Variants in HPS3 observed in about 807,000 individuals in gnomAD.
HPS3 encodes the protein BLOC-2 complex member HPS3.
Under a neutral mutation model 110.9 loss-of-function variants are expected in HPS3, and 79 were observed. The ratio of observed to expected loss-of-function variants is 0.71; its 90% CI spans 0.59 to 0.86. HPS3 has a LOEUF of 0.86. Among genes scored for constraint, HPS3 ranks in the 40% least tolerant of loss-of-function variants. The pLI is 0.00. For synonymous variants in HPS3, 428 were observed against 451.0 expected, an observed-to-expected ratio of 0.95 and a Z score of 0.65; for missense variants, 1,197 against 1,206.2, an observed-to-expected ratio of 0.99 and a Z score of 0.11.
intron 14 of HPS3, among the ~76,000 whole-genome samples, chr3:149,166,580 C>G (rs1479968163): frequency 6.6e-6 from 1 of 152,110 alleles, no homozygotes; most frequent in Non-Finnish European, 1.5e-5. Flanking sequence ...GTTTTGATGG[C>G]TGTGTAATGT....
rs773606762 is a variant in HPS3 at position 149,129,723 on chromosome 3, G to T, written c.-1G>T. The T allele has an allele frequency of 4.2e-5, 66 of 1,584,804 alleles. No homozygotes were observed. The highest frequency in any genetic ancestry group is 5.5e-5 in the Non-Finnish European group (64 of 1,166,880). On this transcript the variant is annotated 5_prime_UTR_variant, in exon 1 of 17. Transcript: ENST00000296051. ...GCTGTGCCATCCCGCCGGACGTCGG[G>T]ATGGTGCAGCTGTACAACCTGCACC... is the stretch of plus-strand genomic sequence containing the variant.
At chr3:149,137,052 A>G (rs1722153717) in intron 1 of HPS3, among the ~76,000 whole-genome samples, 1 of 152,170 alleles carries the variant, frequency 6.6e-6, no homozygotes, top group Non-Finnish European at 1.5e-5. Flanking sequence ...ATGGGAGAAA[A>G]TATTTCCGAA....
At chr3:149,132,361 C>T (rs969930380) in intron 1 of HPS3, among the ~76,000 whole-genome samples, 5 of 152,196 alleles carry the variant, frequency 3.3e-5, no homozygotes, top group Admixed American at 1.3e-4. Flanking sequence ...TTCTCATTTA[C>T]CATTCTGAAA....
chr3:149,129,746 AC>A lies in HPS3; in HGVS notation c.26del (p.Pro9ArgfsTer69), dbSNP rs2108111799. On this transcript the variant is annotated frameshift_variant, in exon 1 of 17. Coordinates refer to ENST00000296051, the MANE Select transcript of HPS3 (RefSeq NM_032383.5). LOFTEE classifies it high-confidence loss of function. Reference sequence around the variant, plus strand: ...GGGATGGTGCAGCTGTACAACCTGCACCCGTTCGGGTCGCAGCAGGTGGTGC... The same window carrying A: ...GGGATGGTGCAGCTGTACAACCTGCACCGTTCGGGTCGCAGCAGGTGGTGC... MVQLYNL[H>X]PFGSQQVVPC... 6.2e-7 allele frequency: 1 copy of A among 1,604,842 alleles called. No individual in the cohort carries two copies. Among genetic ancestry groups the A allele is most frequent in the South Asian group, 1.1e-5 (1 of 90,802 alleles).
At chr3:149,133,143 G>A (rs942121473) in intron 1 of HPS3, among the ~76,000 whole-genome samples, 5 of 152,184 alleles carry the variant, frequency 3.3e-5, no homozygotes, top group African/African-American at 1.2e-4. Context: ...AGTTGATAAA[G>A]CAATGAGAAG....
intron 8 of HPS3, among the ~76,000 whole-genome samples, chr3:149,156,164 A>G (rs1002993875): frequency 2.0e-5 from 3 of 152,218 alleles, no homozygotes; most frequent in Non-Finnish European, 4.4e-5. Context: ...CTGTGCACAC[A>G]GATATACATA....
rs527298137 is a variant in HPS3 at position 149,165,076 on chromosome 3, A to G, written c.2589+1127A>G. 6.5e-4 allele frequency among the ~76,000 whole-genome samples: 99 copies of G among 152,322 alleles called. 1 individual carries two copies. The Middle Eastern group carries it at 0.017, about 26-fold the overall frequency. On this transcript the variant is annotated intron_variant, in intron 14 of 16. Coordinates refer to ENST00000296051, the MANE Select transcript of HPS3 (RefSeq NM_032383.5). ...TATTTATGTGCTTCTTTAAAAAATA[A>G]CCAAAGAAGATTCTTCTTGTCTCTT...
At chr3:149,159,898 T>C (rs1384303437) in intron 10 of HPS3, 148 bp from the exon 11 acceptor site, 2 of 658,456 alleles carry the variant, frequency 3.0e-6, no homozygotes, top group African/African-American at 3.6e-5. Flanking sequence ...TCAGTTTTTG[T>C]CTTTTTAAAA....
Position 149,172,244 on chromosome 3 carries a change from A to G in HPS3, c.*22A>G, listed in dbSNP as rs1214803117. On this transcript the variant is annotated 3_prime_UTR_variant, in exon 17 of 17. Transcript: ENST00000296051. Reference sequence around the variant, plus strand: ...TTAAAGGTATCATTTGAAAAATACCATAATGGCATTTGAGACTGAATTTCT... The same window carrying G: ...TTAAAGGTATCATTTGAAAAATACCGTAATGGCATTTGAGACTGAATTTCT... The G allele has an allele frequency of 1.9e-6, 3 of 1,607,644 alleles. No individual in the cohort carries two copies. The highest frequency in any genetic ancestry group is 2.6e-6 in the Non-Finnish European group (3 of 1,175,910).
At chr3:149,166,882 TA>T in intron 14 of HPS3, 151 bp from the exon 15 acceptor site, 1 of 656,166 alleles carries the variant, frequency 1.5e-6, no homozygotes, top group East Asian at 2.7e-5. Flanking sequence ...TTAGATTTAT[TA>T]AATAAGGACC....
intron 16 of HPS3, among the ~76,000 whole-genome samples, chr3:149,171,065 G>A (rs545229992): frequency 6.6e-6 from 1 of 152,204 alleles, no homozygotes; most frequent in Non-Finnish European, 1.5e-5. Context: ...GGATCATGAG[G>A]TCAAGAGATC....
chr3:149,145,478 A>G lies in HPS3; in HGVS notation c.1095A>G (p.Ser365=). 1 of 1,614,132 alleles carries G rather than the reference A, an allele frequency of 6.2e-7. No individual in the cohort carries two copies. Among genetic ancestry groups the G allele is most frequent in the Non-Finnish European group, 8.5e-7 (1 of 1,180,014 alleles). Residue 365 remains serine, a synonymous_variant, in exon 5 of 17, where the codon TCA becomes TCG. Coordinates refer to ENST00000296051, the MANE Select transcript of HPS3 (RefSeq NM_032383.5). The part of the protein sequence containing the change: ...YMVVKSVELM[S]VYQYPEKSQQ... Reference sequence around the variant, plus strand: ...TTGTCAAATCTGTTGAATTGATGTCAGTCTACCAGTATCCTGAAAAGTCTC... The same window carrying G: ...TTGTCAAATCTGTTGAATTGATGTCGGTCTACCAGTATCCTGAAAAGTCTC...
At chr3:149,147,123 A>T (rs1415699901) in intron 5 of HPS3, among the ~76,000 whole-genome samples, 2 of 152,156 alleles carry the variant, frequency 1.3e-5, no homozygotes, top group Non-Finnish European at 2.9e-5. Context: ...ATGGGGATGT[A>T]GGAGGCATGA....
intron 2 of HPS3, 54 bp from the exon 3 acceptor site, chr3:149,140,963 G>A (rs1453520595): frequency 3.4e-6 from 5 of 1,481,994 alleles, no homozygotes; most frequent in African/African-American, 2.8e-5. Context: ...GTGAGAGGAT[G>A]TTGTAAAATC....
intron 16 of HPS3, 88 bp downstream of exon 16, chr3:149,168,071 T>C (rs866586844): frequency 1.2e-6 from 1 of 804,454 alleles, no homozygotes; most frequent in Non-Finnish European, 2.2e-6. Context: ...CATGTGATTC[T>C]CAAGTGAAAC....
In HPS3 at chr3:149,153,654, C is replaced by T; in HGVS notation, c.1400+6C>T. ...CAGTCACCCAAGAGGCTTCTGTAAG[C>T]ATCCCCTTGCCCCAGGCATTCCTGC... On this transcript the variant is annotated splice_donor_region_variant and intron_variant, in intron 7 of 16. Transcript: ENST00000296051. The T allele has an allele frequency of 1.9e-6, 3 of 1,614,016 alleles. No individual in the cohort carries two copies. The highest frequency in any genetic ancestry group is 2.5e-6 in the Non-Finnish European group (3 of 1,179,840).
In HPS3 at chr3:149,167,176, TG is replaced by T. The variant is rs765169755; in HGVS notation, c.2733del (p.Leu912Ter). ...LKEYEQCIDILLERCPEAVIP... is the reference protein window; with the variant it reads ...LKEYEQCIDIXLERCPEAVIP... The stretch of plus-strand genomic sequence containing the variant: ...GAGTATGAACAGTGCATAGACATAC[TG>T]TTAGAGAGATGCCCGGAGGCAGTCA... On this transcript the variant is annotated frameshift_variant, in exon 15 of 17. Transcript: ENST00000296051. LOFTEE classifies it high-confidence loss of function. 1.9e-5 allele frequency: 31 copies of T among 1,613,902 alleles called. No individual in the cohort carries two copies. The highest frequency in any genetic ancestry group is 2.5e-5 in the Non-Finnish European group (30 of 1,179,912).
rs1722728896 is a variant in HPS3 at position 149,145,379 on chromosome 3, T to A, written c.996T>A (p.Asn332Lys). The A allele has an allele frequency of 2.5e-6, 4 of 1,613,814 alleles. No homozygotes were observed. Among genetic ancestry groups the A allele is most frequent in the East Asian group, 2.2e-5 (1 of 44,878 alleles). Residue 332 changes from asparagine (N) to lysine (K), a missense_variant, in exon 5 of 17, where the codon AAT becomes AAA. Coordinates refer to ENST00000296051, the MANE Select transcript of HPS3 (RefSeq NM_032383.5). ...GTTCTCTTACATCTGATGGAAAAAA[T>A]TTGTCTCAGGAAAAAGAATTGCTGA... ...QTGSLTSDGK[N>K]LSQEKELLSL...
At chr3:149,135,651 A>G (rs2108121399) in intron 1 of HPS3, among the ~76,000 whole-genome samples, 2 of 152,278 alleles carry the variant, frequency 1.3e-5, no homozygotes, top group South Asian at 4.1e-4. Flanking sequence ...GGACTAATAC[A>G]GTGTGTAAAG....
Sources: gnomAD v4.1 joint callset for allele counts (sites outside exome capture counted in the v4.1 genomes callset) on GRCh38, gnomAD v4.1.1 for gene constraint, MANE v1.5 for transcripts, NCBI Gene and HGNC (gene_info 2026-07-23, HGNC 2026-07-21) for gene names.